The following ZSWIM8 variants were observed in gnomAD, a reference collection of about 807,000 sequenced individuals.
The protein encoded by ZSWIM8 is zinc finger SWIM domain-containing protein 8.
A neutral mutation model predicts 173.7 loss-of-function variants in ZSWIM8; 27 were observed. That is an observed-to-expected ratio of 0.16 (90% CI 0.11 to 0.21). The LOEUF (loss-of-function observed/expected upper bound fraction) is 0.21. ZSWIM8 is among the 10% of genes least tolerant of loss of function. ZSWIM8 has a pLI of 1.00. For missense variants in ZSWIM8, 1,627 were observed against 2,428.8 expected (o/e 0.67, Z 6.94); for synonymous variants, 958 against 962.0 (o/e 1.00, Z 0.08).
chr10:73,801,430 A>G lies in ZSWIM8; in HGVS notation c.5416A>G (p.Asn1806Asp), dbSNP rs1284286321. ...GACGCCCATGGGCATGATGCAGTTC[A>G]ACGACATCCTACAGAACCTCAAGCG... Reference protein sequence around the residue: ...CLTPMGMMQFNDILQNLKRSK... With the variant: ...CLTPMGMMQFDDILQNLKRSK... The change falls in exon 26 of 26, where the codon AAC (asparagine) becomes GAC (aspartate). Residue 1806 changes from asparagine to aspartate, a missense_variant. Transcript: ENST00000604729. This position sits in a 1 kb window ranked among gnomAD's most constrained non-coding sequence, Gnocchi z 4.9. 4 of 1,613,934 alleles carry G rather than the reference A, an allele frequency of 2.5e-6. No homozygotes were observed. Among genetic ancestry groups the G allele is most frequent in the Non-Finnish European group, 3.4e-6 (4 of 1,179,870 alleles).
Position 73,789,698 on chromosome 10 carries a change from TTC to T in ZSWIM8, c.631-15_631-14del. The T allele has an allele frequency of 1.9e-6, 3 of 1,582,376 alleles. No individual in the cohort carries two copies. The highest frequency in any genetic ancestry group is 2.6e-6 in the Non-Finnish European group (3 of 1,163,960). ...AACCTGTTCTCAGATTGTTCCATTT[TTC>T]TCTGTGTCCCCTTCAGGCTTCTGCA... On this transcript the variant is annotated splice_polypyrimidine_tract_variant and intron_variant, in intron 4 of 25. Coordinates refer to ENST00000604729, the MANE Select transcript of ZSWIM8 (RefSeq NM_001367799.1). The surrounding 1 kb of genome is among the most constrained non-coding windows in gnomAD (Gnocchi z 6.8).
At position 73,799,319 on chromosome 10, in the gene ZSWIM8, G is replaced by A. The variant is rs11000780; in HGVS notation, c.4494G>A (p.Pro1498=). The A allele has an allele frequency of 0.14, 217,153 of 1,607,372 alleles. 15,512 individuals carry two copies. The highest frequency in any genetic ancestry group is 0.21 in the South Asian group (19,161 of 89,908). ...PVISVGSSLY[P]GPGLGHGHSP... Reference sequence around the variant, plus strand: ...TATCGGTGGGGTCTAGTTTATACCCGGGTCCAGGACTGGGGCATGGCCACT... The same window carrying A: ...TATCGGTGGGGTCTAGTTTATACCCAGGTCCAGGACTGGGGCATGGCCACT... The change falls in exon 21 of 26, where the codon CCG becomes CCA. Residue 1498 remains proline, a synonymous_variant. Coordinates refer to ENST00000604729, the MANE Select transcript of ZSWIM8 (RefSeq NM_001367799.1).
At position 73,789,665 on chromosome 10, in the gene ZSWIM8, C is replaced by T. The variant is rs561686135; in HGVS notation, c.631-52C>T. 2.8e-5 allele frequency: 44 copies of T among 1,555,914 alleles called. No individual in the cohort carries two copies. The highest frequency in any genetic ancestry group is 3.6e-5 in the Non-Finnish European group (41 of 1,146,954). ...CTGCCTCTCTGTCCCCCAGCTCCAG[C>T]TCCAGCAAACCTGTTCTCAGATTGT... On this transcript the variant is annotated intron_variant, in intron 4 of 25. Transcript: ENST00000604729. The surrounding 1 kb of genome is among the most constrained non-coding windows in gnomAD (Gnocchi z 6.8).
chr10:73,798,755 G>A (rs1020097421), intron 20 of ZSWIM8, among the ~76,000 whole-genome samples: 1 of 152,226 alleles, frequency 6.6e-6, no homozygotes. Flanking sequence ...TCTAAGACTT[G>A]AATGGGAGGG....
Position 73,800,787 on chromosome 10 carries a change from GCC to G in ZSWIM8, c.5122+37_5122+38del, listed in dbSNP as rs752718248. On this transcript the variant is annotated intron_variant, in intron 24 of 25. Transcript: ENST00000604729. This position sits in a 1 kb window ranked among gnomAD's most constrained non-coding sequence, Gnocchi z 4.1. Reference sequence around the variant, plus strand: ...AACACCTCCCCTCCCTAGGACCATTGCCCCCCCCCCACCTGCTCTCCCCACCT... The same window carrying G: ...AACACCTCCCCTCCCTAGGACCATTGCCCCCCCCACCTGCTCTCCCCACCT... 30 of 1,321,364 alleles carry G rather than the reference GCC, an allele frequency of 2.3e-5. No homozygotes were observed. The highest frequency in any genetic ancestry group is 2.7e-5 in the Non-Finnish European group (26 of 972,444). The allele number at this position is 1,321,364 out of a possible 1,614,324, so 81.9% of individuals were successfully genotyped here. A position where few individuals can be genotyped will look rare whatever the true frequency, so the allele number is the denominator to read the frequency against.
rs780670788 is a variant in ZSWIM8, at chr10:73,791,920, C to T, written c.1381C>T (p.Arg461Trp). 7 of 1,551,472 alleles carry T rather than the reference C, an allele frequency of 4.5e-6. No homozygotes were observed. The highest frequency in any genetic ancestry group is 2.4e-5 in the East Asian group (1 of 40,982). ...ACTGAAGGTGATTGAGAACGTCAAGCGGGGCCAACACAAGAAGACGCTGGA... is the reference window on the plus strand; with the variant it reads ...ACTGAAGGTGATTGAGAACGTCAAGTGGGGCCAACACAAGAAGACGCTGGA... ...WQLKVIENVK[R>W]GQHKKTLERL... The change falls in exon 10 of 26, where the codon CGG becomes TGG. Residue 461 changes from arginine (R) to tryptophan (W), a missense_variant. By Grantham distance (101) the Arg-to-Trp change is moderately radical. This residue lies in a region of ZSWIM8 where 103 missense variants were observed against 155.6 expected (regional missense o/e 0.66). Transcript: ENST00000604729. This position sits in a 1 kb window ranked among gnomAD's most constrained non-coding sequence, Gnocchi z 6.0.
rs751506689 is a variant in ZSWIM8 at position 73,789,222 on chromosome 10, C to G, written c.457+32C>G. ...GGGCCATCATGCCATGTGGCACATC[C>G]TGCTCCTCCCATCCCCTGGCTTATG... On this transcript the variant is annotated intron_variant, in intron 3 of 25. Transcript: ENST00000604729. The surrounding 1 kb of genome is among the most constrained non-coding windows in gnomAD (Gnocchi z 6.8). 2.1e-5 allele frequency: 34 copies of G among 1,612,108 alleles called. No individual in the cohort carries two copies. The highest frequency in any genetic ancestry group is 2.5e-5 in the Non-Finnish European group (29 of 1,178,314).
chr10:73,799,544 T>C, intron 21 of ZSWIM8, 54 bp downstream of exon 21: 1 of 1,569,280 alleles, frequency 6.4e-7, no homozygotes, highest in South Asian at 1.2e-5. Flanking sequence ...TGGGAATTCA[T>C]AGGGGGTTGG....
rs1405862820 is a variant in ZSWIM8, at chr10:73,785,666, C to T, written c.-213C>T. 1 of 639,376 alleles carries T rather than the reference C, an allele frequency of 1.6e-6. No individual in the cohort carries two copies. The highest frequency in any genetic ancestry group is 1.9e-5 in the African/African-American group (1 of 52,998). 39.6% of individuals were successfully genotyped at this position (639,376 alleles called of 1,614,324 possible). On this transcript the variant is annotated 5_prime_UTR_variant, in exon 1 of 26. Transcript: ENST00000604729. Reference sequence around the variant, plus strand: ...CCCGGCCCTAAGTCTCGGAGACTGGCCAAGATCACCGCTTGCACCGCGCTG... The same window carrying T: ...CCCGGCCCTAAGTCTCGGAGACTGGTCAAGATCACCGCTTGCACCGCGCTG...
At position 73,797,752 on chromosome 10, in the gene ZSWIM8, C is replaced by T; in HGVS notation, c.3663-29C>T. On this transcript the variant is annotated intron_variant, in intron 18 of 25. Coordinates refer to ENST00000604729, the MANE Select transcript of ZSWIM8 (RefSeq NM_001367799.1). The surrounding 1 kb of genome is among the most constrained non-coding windows in gnomAD (Gnocchi z 5.6). The stretch of plus-strand genomic sequence containing the variant: ...GATGCCCATTTCAAAGAAACCCCAA[C>T]CCCCGTCCCTACCCCATTGCCCCTT... 2.5e-6 allele frequency: 4 copies of T among 1,599,696 alleles called. No individual in the cohort carries two copies. The highest frequency in any genetic ancestry group is 3.4e-6 in the Non-Finnish European group (4 of 1,171,018).
At position 73,793,848 on chromosome 10, in the gene ZSWIM8, GT is replaced by G. The variant is rs752373834; in HGVS notation, c.2446-14del. 9 of 1,596,564 alleles carry G rather than the reference GT, an allele frequency of 5.6e-6. No individual in the cohort carries two copies. Among genetic ancestry groups the G allele is most frequent in the Non-Finnish European group, 6.8e-6 (8 of 1,173,438 alleles). ...TCAGAATCATCTGCCTGTCTCCTGT[GT>G]TTCTTCCCTTTCTAGGGCAAGAAGA... On this transcript the variant is annotated splice_polypyrimidine_tract_variant and intron_variant, in intron 11 of 25. Transcript: ENST00000604729.
rs1403044693 is a variant in ZSWIM8 at position 73,792,350 on chromosome 10, A to G, written c.1811A>G (p.Lys604Arg). ...GSKGSAGGGS[K>R]RRLSSEDSSL... ...AAGGGCTCAGCAGGTGGCGGAAGCAAGCGACGGCTGAGCAGCGAAGACAGC... is the reference window on the plus strand; with the variant it reads ...AAGGGCTCAGCAGGTGGCGGAAGCAGGCGACGGCTGAGCAGCGAAGACAGC... Residue 604 changes from lysine (K) to arginine (R), a missense_variant, in exon 10 of 26, where the codon AAG becomes AGG. Physicochemically the swap from Lys to Arg is conservative, Grantham distance 26 (BLOSUM62 2). Coordinates refer to ENST00000604729, the MANE Select transcript of ZSWIM8 (RefSeq NM_001367799.1). The surrounding 1 kb of genome is among the most constrained non-coding windows in gnomAD (Gnocchi z 4.3). The G allele has an allele frequency of 6.2e-7, 1 of 1,611,926 alleles. No individual in the cohort carries two copies. Among genetic ancestry groups the G allele is most frequent in the African/African-American group, 1.3e-5 (1 of 74,860 alleles).
chr10:73,785,918 T>C lies in ZSWIM8; in HGVS notation c.40T>C (p.Phe14Leu). Residue 14 changes from phenylalanine (F) to leucine (L), a missense_variant, in exon 1 of 26, where the codon TTC becomes CTC. Around this residue, in one of 18 missense-constraint regions of ZSWIM8, gnomAD observed 60 missense variants for 93.9 expected, o/e 0.64. Transcript: ENST00000604729. The part of the protein sequence containing the change: ...MFAEWEDGER[F>L]SFEDSDRFEE... ...TGCAGAGTGGGAGGACGGAGAGCGC[T>C]TCTCATTCGAGGATTCGGACCGTTT... is the stretch of plus-strand genomic sequence containing the variant. 1 of 1,551,102 alleles carries C rather than the reference T, an allele frequency of 6.4e-7. No individual in the cohort carries two copies. Among genetic ancestry groups the C allele is most frequent in the East Asian group, 2.5e-5 (1 of 40,716 alleles).
In ZSWIM8 at chr10:73,793,929, C is replaced by G. The variant is rs778703928; in HGVS notation, c.2510C>G (p.Ala837Gly). ...TWVATNTLSK[A>G]AFLLTVLSER... ...GTGGCTACCAACACCCTGAGCAAGG[C>G]GGCCTTCCTGTTGACAGTGCTAAGT... Residue 837 changes from alanine to glycine, a missense_variant, in exon 12 of 26, where the codon GCG (alanine) becomes GGG (glycine). By Grantham distance (60) the Ala-to-Gly change is moderately conservative. Around this residue, in one of 18 missense-constraint regions of ZSWIM8, gnomAD observed 169 missense variants for 235.3 expected, o/e 0.72. Coordinates refer to ENST00000604729, the MANE Select transcript of ZSWIM8 (RefSeq NM_001367799.1). The G allele has an allele frequency of 1.2e-6, 2 of 1,613,368 alleles. No homozygotes were observed.
In ZSWIM8 at chr10:73,801,458, G is replaced by GCAAA; in HGVS notation, c.5447_5450dup (p.Lys1819AspfsTer104). The GCAAA allele has an allele frequency of 6.2e-7, 1 of 1,613,978 alleles. No homozygotes were observed. Among genetic ancestry groups the GCAAA allele is most frequent in the Middle Eastern group, 1.6e-4 (1 of 6,062 alleles). On this transcript the variant is annotated frameshift_variant, in exon 26 of 26. Coordinates refer to ENST00000604729, the MANE Select transcript of ZSWIM8 (RefSeq NM_001367799.1). LOFTEE classifies it high-confidence loss of function. The surrounding 1 kb of genome is among the most constrained non-coding windows in gnomAD (Gnocchi z 4.9). ...GACATCCTACAGAACCTCAAGCGCA[G>GCAAA]CAAACAGACCAAGGAGCTGTGGCAG...
Position 73,801,741 on chromosome 10 carries a change from G to A in ZSWIM8, c.*222G>A. On this transcript the variant is annotated 3_prime_UTR_variant, in exon 26 of 26. Transcript: ENST00000604729. This position sits in a 1 kb window ranked among gnomAD's most constrained non-coding sequence, Gnocchi z 4.9. Reference sequence around the variant, plus strand: ...CCTGTCTGGGAGGGGGCGTTGGGTGGCCTCTGGTATTTATTTGGCATTTAT... The same window carrying A: ...CCTGTCTGGGAGGGGGCGTTGGGTGACCTCTGGTATTTATTTGGCATTTAT... The A allele has an allele frequency of 2.0e-6, 3 of 1,523,552 alleles. No individual in the cohort carries two copies. The highest frequency in any genetic ancestry group is 2.6e-6 in the Non-Finnish European group (3 of 1,140,838). The allele number at this position is 1,523,552 out of a possible 1,614,324, so 94.4% of individuals were successfully genotyped here. A position where few individuals can be genotyped will look rare whatever the true frequency, so the allele number is the denominator to read the frequency against.
Position 73,789,252 on chromosome 10 carries a change from A to T in ZSWIM8, c.457+62A>T. The stretch of plus-strand genomic sequence containing the variant: ...CCTCCCATCCCCTGGCTTATGAAGT[A>T]AGAACACACCGCAAGAAGCTGGAGC... On this transcript the variant is annotated intron_variant, in intron 3 of 25. Transcript: ENST00000604729. The surrounding 1 kb of genome is among the most constrained non-coding windows in gnomAD (Gnocchi z 6.8). 6.2e-7 allele frequency: 1 copy of T among 1,609,672 alleles called. No homozygotes were observed.
At chr10:73,798,489 G>A (rs1409383433) in intron 20 of ZSWIM8, 36 bp downstream of exon 20, 10 of 1,585,634 alleles carry the variant, frequency 6.3e-6, no homozygotes, top group Admixed American at 5.2e-5. Context: ...CTCTTCTGGG[G>A]CATCTGGGCA....
At position 73,793,872 on chromosome 10, in the gene ZSWIM8, A is replaced by G. The variant is rs1427695735; in HGVS notation, c.2453A>G (p.Lys818Arg). 2 of 1,606,324 alleles carry G rather than the reference A, an allele frequency of 1.2e-6. No homozygotes were observed. Among genetic ancestry groups the G allele is most frequent in the Admixed American group, 3.4e-5 (2 of 58,588 alleles). The change falls in exon 12 of 26, where the codon AAG (lysine) becomes AGG (arginine). Residue 818 changes from lysine to arginine, a missense_variant. This residue lies in a region of ZSWIM8 where 169 missense variants were observed against 235.3 expected (regional missense o/e 0.72). Transcript: ENST00000604729. The stretch of plus-strand genomic sequence containing the variant: ...TGTTTCTTCCCTTTCTAGGGCAAGA[A>G]GAACAAGGTATCCACGAGCCGTCAG... The part of the protein sequence containing the change: ...KVEPPPAKGK[K>R]NKVSTSRQTW...
Sources: allele counts gnomAD v4.1 joint callset (sites outside exome capture counted in the v4.1 genomes callset), GRCh38; gene constraint gnomAD v4.1.1; regional missense constraint gnomAD v4.1.1; non-coding constraint Gnocchi (gnomAD v3.1); transcripts MANE v1.5; gene names NCBI Gene and HGNC (gene_info 2026-07-23, HGNC 2026-07-21).